PRKG1: variants seen among roughly 807,000 people sequenced by gnomAD.
PRKG1 encodes cGMP-dependent protein kinase 1.
In PRKG1, 35 loss-of-function variants were observed where a neutral mutation model predicts 88.1. The observed-to-expected ratio is 0.40, with a 90% CI of 0.30 to 0.53. The LOEUF (loss-of-function observed/expected upper bound fraction) is 0.53. Among genes scored for constraint, PRKG1 ranks in the 20% least tolerant of loss-of-function variants. The probability of loss-of-function intolerance (pLI) is 0.59; values close to 1 mark genes in which losing one functional copy is unlikely to be tolerated. For synonymous variants in PRKG1, 303 were observed against 292.5 expected, an observed-to-expected ratio of 1.04 and a Z score of -0.37; for missense variants, 540 against 839.8, an observed-to-expected ratio of 0.64 and a Z score of 4.41.
intron 3 of PRKG1, among the ~76,000 whole-genome samples, chr10:51,660,599 G>A (rs1477432834): frequency 2.0e-5 from 3 of 152,026 alleles, no homozygotes; most frequent in East Asian, 3.9e-4. Flanking sequence ...CCCTACCTCA[G>A]TAACCCAGTT....
chr10:51,686,892 G>T (rs7094114), intron 3 of PRKG1, among the ~76,000 whole-genome samples: 24,704 of 151,878 alleles, frequency 0.16, 3,548 homozygotes, highest in African/African-American at 0.39. Flanking sequence ...CCCGCCATCA[G>T]GCCCGGCTAA....
intron 1 of PRKG1, among the ~76,000 whole-genome samples, chr10:51,032,413 T>G (rs1183320155): frequency 6.6e-6 from 1 of 152,128 alleles, no homozygotes; most frequent in African/African-American, 2.4e-5. Flanking sequence ...ATTTAATAGA[T>G]TTTATTTCCA....
chr10:52,280,811 A>G lies in PRKG1; in HGVS notation c.1426A>G (p.Thr476Ala). The change falls in exon 13 of 18, where the codon ACC (threonine) becomes GCC (alanine). Residue 476 changes from threonine to alanine, a missense_variant. By Grantham distance (58) the Thr-to-Ala change is moderately conservative. Around this residue, in one of 5 missense-constraint regions of PRKG1, gnomAD observed 400 missense variants for 562.7 expected, o/e 0.71. Transcript: ENST00000373980. ...CAGAGGTTCGTTTGAAGATTCTACA[A>G]CCAGATTTTACACAGCATGTGTGGT... ...RDRGSFEDST[T>A]RFYTACVVEA... 1 of 1,613,280 alleles carries G rather than the reference A, an allele frequency of 6.2e-7. No individual in the cohort carries two copies. The highest frequency in any genetic ancestry group is 1.1e-5 in the South Asian group (1 of 91,042).
At chr10:51,186,941 G>T (rs1837501925) in intron 2 of PRKG1, among the ~76,000 whole-genome samples, 1 of 132,568 alleles carries the variant, frequency 7.5e-6, no homozygotes, top group Admixed American at 8.0e-5. Context: ...AATGAGTTTT[G>T]CAAGGCCCTG....
chr10:52,073,241 G>T (rs1160508396), intron 7 of PRKG1, among the ~76,000 whole-genome samples: 1 of 152,094 alleles, frequency 6.6e-6, no homozygotes, highest in Non-Finnish European at 1.5e-5. Context: ...ATCCAGTATG[G>T]CAGCACCTTA....
intron 2 of PRKG1, among the ~76,000 whole-genome samples, chr10:51,448,580 T>G (rs571254094): frequency 1.3e-5 from 2 of 152,242 alleles, no homozygotes; most frequent in South Asian, 4.1e-4. Context: ...GCTTGTAATA[T>G]TTTTTCAATA....
intron 13 of PRKG1, 87 bp from the exon 14 acceptor site, chr10:52,282,066 A>C: frequency 8.2e-7 from 1 of 1,220,048 alleles, no homozygotes. Context: ...TTAAATTATT[A>C]TCATCATCAG....
Position 51,657,067 on chromosome 10 carries a change from G to A in PRKG1, c.593-147518G>A, listed in dbSNP as rs575508600. 3.3e-5 allele frequency among the ~76,000 whole-genome samples: 5 copies of A among 152,244 alleles called. No homozygotes were observed. The South Asian group carries it at 1.0e-3, about 32-fold the overall frequency. On this transcript the variant is annotated intron_variant, in intron 3 of 17. Coordinates refer to ENST00000373980, the MANE Select transcript of PRKG1 (RefSeq NM_006258.4). ...GTGATAATAAAATGGATTAATATAT[G>A]TCAAGCATTTATAATAGAGCTGGGC...
intron 2 of PRKG1, among the ~76,000 whole-genome samples, chr10:51,244,520 GTC>G (rs1433896266): frequency 1.3e-5 from 2 of 151,868 alleles, no homozygotes; most frequent in African/African-American, 4.8e-5. Context: ...CTGCTGTGGA[GTC>G]TCTATTGCAA....
At chr10:52,159,825 T>C (rs1163864149) in intron 8 of PRKG1, among the ~76,000 whole-genome samples, 1 of 151,912 alleles carries the variant, frequency 6.6e-6, no homozygotes, top group Non-Finnish European at 1.5e-5. Flanking sequence ...AAATGCCTAA[T>C]AACACAATCT....
chr10:51,856,552 G>A (rs531687375), intron 4 of PRKG1, among the ~76,000 whole-genome samples: 7 of 152,046 alleles, frequency 4.6e-5, no homozygotes, highest in African/African-American at 1.4e-4. Flanking sequence ...TTTTGCCCCA[G>A]TTTCTTCTTC....
chr10:51,449,791 C>T (rs969066643), intron 2 of PRKG1, among the ~76,000 whole-genome samples: 1 of 105,728 alleles, frequency 9.5e-6, no homozygotes, highest in Non-Finnish European at 1.9e-5. Flanking sequence ...TGCTTTTTAT[C>T]TGTTGATAAT....
At chr10:52,071,891 C>T (rs1846504845) in intron 7 of PRKG1, among the ~76,000 whole-genome samples, 1 of 152,142 alleles carries the variant, frequency 6.6e-6, no homozygotes, top group East Asian at 1.9e-4. Flanking sequence ...AGTTACAAGG[C>T]TTGGGTTTCT....
intron 12 of PRKG1, 88 bp downstream of exon 12, chr10:52,272,569 AATC>A: frequency 1.1e-6 from 1 of 898,964 alleles, no homozygotes; most frequent in Middle Eastern, 2.3e-4. Flanking sequence ...AAAGTATAAT[AATC>A]ATATTTATAA....
chr10:51,526,511 T>G (rs1052914175), intron 3 of PRKG1, among the ~76,000 whole-genome samples: 3 of 152,186 alleles, frequency 2.0e-5, no homozygotes, highest in Non-Finnish European at 4.4e-5. Context: ...CTACCAAGAC[T>G]TTTGAGTTTT....
chr10:51,843,784 A>G (rs948156520), intron 4 of PRKG1, among the ~76,000 whole-genome samples: 3 of 152,148 alleles, frequency 2.0e-5, no homozygotes, highest in Admixed American at 1.3e-4. Flanking sequence ...TAAATTTGAA[A>G]CAAAATTATA....
chr10:51,393,003 A>ACCCCC (rs1837468025), intron 2 of PRKG1, among the ~76,000 whole-genome samples: 5 of 145,544 alleles, frequency 3.4e-5, no homozygotes, highest in African/African-American at 1.3e-4. Flanking sequence ...CCGGGCAGAG[A>ACCCCC]CACTCCTCAC....
intron 7 of PRKG1, among the ~76,000 whole-genome samples, chr10:52,082,839 A>G (rs879673661): frequency 2.6e-5 from 4 of 152,132 alleles, no homozygotes; most frequent in African/African-American, 7.2e-5. Flanking sequence ...TAAATAACCA[A>G]TTTCAGTAGG....
At chr10:52,014,792 G>A (rs768629872) in intron 5 of PRKG1, among the ~76,000 whole-genome samples, 1 of 152,246 alleles carries the variant, frequency 6.6e-6, no homozygotes, top group South Asian at 2.1e-4. Context: ...AAAACAAAGG[G>A]GCCACAGGCC....
Sources: allele counts gnomAD v4.1 joint callset (sites outside exome capture counted in the v4.1 genomes callset), GRCh38; gene constraint gnomAD v4.1.1; regional missense constraint gnomAD v4.1.1; transcripts MANE v1.5; gene names NCBI Gene and HGNC (gene_info 2026-07-23, HGNC 2026-07-21).